The following LY75 variants were observed in gnomAD, a reference collection of about 807,000 sequenced individuals.
LY75 encodes the protein C-type lectin domain family 13 member B.
A neutral mutation model predicts 231.7 loss-of-function variants in LY75; 185 were observed. That is an observed-to-expected ratio of 0.80 (90% CI 0.71 to 0.90). The LOEUF (loss-of-function observed/expected upper bound fraction) is 0.90, where lower values mean the gene tolerates loss of function less well. Ranked by LOEUF, LY75 falls within the 40% of genes least tolerant of loss-of-function variation. The pLI is 0.00. For synonymous variants in LY75, 668 were observed against 689.0 expected, an observed-to-expected ratio of 0.97 and a Z score of 0.48; for missense variants, 1,947 against 2,050.2, an observed-to-expected ratio of 0.95 and a Z score of 0.97.
chr2:159,812,989 T>C (rs189902519), intron 31 of LY75, among the ~76,000 whole-genome samples: 69 of 152,350 alleles, frequency 4.5e-4, no homozygotes, highest in African/African-American at 1.5e-3. Context: ...TAGCATACTG[T>C]CTTCAGGGTT....
rs1685975944 is a variant in LY75, at chr2:159,898,727, C to A, written c.427G>T (p.Gly143Ter). The change falls in exon 2 of 35, where the codon GGA becomes TGA. Residue 143 changes from glycine (G) to a stop codon, truncating the protein, a stop_gained. Transcript: ENST00000263636. LOFTEE classifies it high-confidence loss of function. The stretch of plus-strand genomic sequence containing the variant: ...TCACAAAGGCTTTCCTCTGAGCCTC[C>A]TTTCTTCCAGACATCAGATGCATTT... ...ISNASDVWKK[G>*]GSEESLCDQP... 6.2e-7 allele frequency: 1 copy of A among 1,614,126 alleles called. No homozygotes were observed. The highest frequency in any genetic ancestry group is 1.3e-5 in the African/African-American group (1 of 75,052).
At position 159,881,229 on chromosome 2, in the gene LY75, C is replaced by T. The variant is rs376007564; in HGVS notation, c.1258G>A (p.Glu420Lys). The change falls in exon 8 of 35, where the codon GAA becomes AAA. Residue 420 changes from glutamate (E) to lysine (K), a missense_variant. Glu to Lys is a moderately conservative substitution (Grantham distance 56). Transcript: ENST00000263636. ...ATGTTCTTAAGGCCTATCCACACTT[C>T]TTCTTTGATATCTAAAAGAAAAATG... ...TKLHNEDIKE[E>K]VWIGLKNINI... 34 of 1,610,118 alleles carry T rather than the reference C, an allele frequency of 2.1e-5. No homozygotes were observed. Among genetic ancestry groups the T allele is most frequent in the Non-Finnish European group, 2.7e-5 (32 of 1,178,492 alleles).
At chr2:159,851,324 T>C (rs1284728254) in intron 21 of LY75, among the ~76,000 whole-genome samples, 2 of 152,186 alleles carry the variant, frequency 1.3e-5, no homozygotes, top group African/African-American at 4.8e-5. Flanking sequence ...ATGTCCCAAA[T>C]TGTGTTCCTT....
In LY75 at chr2:159,824,927, A is replaced by G. The variant is rs1318042497; in HGVS notation, c.3959-5007T>C. 3.9e-5 allele frequency among the ~76,000 whole-genome samples: 6 copies of G among 152,218 alleles called. No homozygotes were observed. In the South Asian group the frequency reaches 6.2e-4, roughly 16 times the overall value. On this transcript the variant is annotated intron_variant, in intron 28 of 34. Coordinates refer to ENST00000263636, the MANE Select transcript of LY75 (RefSeq NM_002349.4). The stretch of plus-strand genomic sequence containing the variant: ...AAACCAATGAGAACAAAGACACAAC[A>G]TATCAGAATCTTTGGGACACATTTA...
At chr2:159,884,184 G>A (rs1414021628) in intron 6 of LY75, among the ~76,000 whole-genome samples, 3 of 152,060 alleles carry the variant, frequency 2.0e-5, no homozygotes, top group African/African-American at 7.2e-5. Context: ...CCTTGCCTTC[G>A]GCCATGATTG....
At chr2:159,848,498 C>T (rs535436858) in intron 23 of LY75, among the ~76,000 whole-genome samples, 1 of 152,236 alleles carries the variant, frequency 6.6e-6, no homozygotes, top group East Asian at 1.9e-4. Flanking sequence ...TCTCACAAAT[C>T]ACCATTAAAG....
chr2:159,889,454 C>G (rs1685687701), intron 4 of LY75, among the ~76,000 whole-genome samples: 2 of 152,078 alleles, frequency 1.3e-5, no homozygotes, highest in Non-Finnish European at 2.9e-5. Context: ...TTTCAAACCC[C>G]TGGCTTCAAG....
In LY75 at chr2:159,852,182, G is replaced by A. The variant is rs764109948; in HGVS notation, c.2883+19C>T. On this transcript the variant is annotated intron_variant, in intron 21 of 34. Coordinates refer to ENST00000263636, the MANE Select transcript of LY75 (RefSeq NM_002349.4). ...ATGGAAGCAATCATTGTTGCATAAT[G>A]TAGCAATTCTCTTTTTACCTTATTC... 1.2e-6 allele frequency: 2 copies of A among 1,611,854 alleles called. No homozygotes were observed. The highest frequency in any genetic ancestry group is 4.5e-5 in the East Asian group (2 of 44,802).
At position 159,807,936 on chromosome 2, in the gene LY75, G is replaced by A. The variant is rs1018522235; in HGVS notation, c.4822+513C>T. ...TGGCGCAAAAGTAATGGCAAAAGCT[G>A]CAATTACTTTCACACCAACCTAACA... On this transcript the variant is annotated intron_variant, in intron 33 of 34. Transcript: ENST00000263636. The A allele has an allele frequency of 1.4e-5, 14 of 978,764 alleles. No homozygotes were observed. In the South Asian group the frequency reaches 2.4e-4, roughly 17 times the overall value. The allele number at this position is 978,764 out of a possible 1,614,324, so 60.6% of individuals were successfully genotyped here.
rs1682717114 is a variant in LY75 at position 159,803,582 on chromosome 2, T to C, written c.*1462A>G. The C allele has an allele frequency of 1.3e-5, 2 of 151,754 alleles. No homozygotes were observed. The highest frequency in any genetic ancestry group is 1.3e-4 in the Admixed American group (2 of 15,206). The allele number at this position is 151,754 out of a possible 1,614,324, so 9.4% of individuals were successfully genotyped here. A position where few individuals can be genotyped will look rare whatever the true frequency, so the allele number is the denominator to read the frequency against. On this transcript the variant is annotated 3_prime_UTR_variant, in exon 35 of 35. Coordinates refer to ENST00000263636, the MANE Select transcript of LY75 (RefSeq NM_002349.4). ...AAAATTATTTACAACTTTATCATAG[T>C]GTAAATACTCTAAATGTAAAATAAA...
intron 16 of LY75, among the ~76,000 whole-genome samples, chr2:159,856,250 A>T (rs777254453): frequency 2.0e-5 from 3 of 152,204 alleles, no homozygotes; most frequent in Non-Finnish European, 2.9e-5. Context: ...TTTTCCTAAA[A>T]ACACTTTTAT....
At chr2:159,851,261 A>T (rs1018021787) in intron 21 of LY75, among the ~76,000 whole-genome samples, 7 of 152,188 alleles carry the variant, frequency 4.6e-5, no homozygotes, top group Admixed American at 6.5e-5. Context: ...CAGCTGTCAG[A>T]CACATCTCTT....
chr2:159,805,748 A>G (rs1482554071), intron 34 of LY75, among the ~76,000 whole-genome samples: 1 of 152,210 alleles, frequency 6.6e-6, no homozygotes, highest in Non-Finnish European at 1.5e-5. Flanking sequence ...TTTAAATACC[A>G]TTGCTATGCA....
intron 25 of LY75, among the ~76,000 whole-genome samples, chr2:159,839,255 C>T (rs1683929456): frequency 6.6e-6 from 1 of 152,180 alleles, no homozygotes. Context: ...CCATGCATCC[C>T]TAGACCCATC....
chr2:159,873,454 A>G (rs751645068), intron 12 of LY75, among the ~76,000 whole-genome samples: 14 of 152,186 alleles, frequency 9.2e-5, no homozygotes, highest in Non-Finnish European at 1.5e-4. Flanking sequence ...GAGAACAACA[A>G]ACCCCTGTGA....
In LY75 at chr2:159,831,795, T is replaced by TA; in HGVS notation, c.3842-10dup. On this transcript the variant is annotated splice_polypyrimidine_tract_variant and intron_variant, in intron 27 of 34. Coordinates refer to ENST00000263636, the MANE Select transcript of LY75 (RefSeq NM_002349.4). ...AATATGTGATTTTGGATCTGTTGAA[T>TA]AAAAAATAATCAATAATTTTAACAA... 1 of 1,587,854 alleles carries TA rather than the reference T, an allele frequency of 6.3e-7. No individual in the cohort carries two copies. The highest frequency in any genetic ancestry group is 8.6e-7 in the Non-Finnish European group (1 of 1,167,168).
intron 6 of LY75, among the ~76,000 whole-genome samples, 164 bp downstream of exon 6, chr2:159,884,989 T>G (rs1033688663): frequency 7.9e-5 from 12 of 152,200 alleles, no homozygotes; most frequent in South Asian, 6.2e-4. Context: ...TCATATATGG[T>G]TGATAATATC....
At chr2:159,893,818 G>C in intron 3 of LY75, 96 bp downstream of exon 3, 1 of 1,411,538 alleles carries the variant, frequency 7.1e-7, no homozygotes, top group South Asian at 1.5e-5. Context: ...TAATATTTTT[G>C]CAGTCACTTT....
intron 33 of LY75, chr2:159,807,593 C>T: frequency 1.0e-6 from 1 of 983,994 alleles, no homozygotes; most frequent in South Asian, 4.7e-5. Context: ...TTCTCCCACA[C>T]CACCACCAGG....
Sources: gnomAD v4.1 joint callset for allele counts (sites outside exome capture counted in the v4.1 genomes callset) on GRCh38, gnomAD v4.1.1 for gene constraint, MANE v1.5 for transcripts, NCBI Gene and HGNC (gene_info 2026-07-23, HGNC 2026-07-21) for gene names.